Variants in SP100 observed in about 807,000 individuals in gnomAD.
The protein encoded by SP100 is SP100 nuclear body protein, also known as nuclear autoantigen Sp-100.
In SP100, 84 loss-of-function variants were observed where a neutral mutation model predicts 130.0. The observed-to-expected ratio is 0.65, with a 90% confidence interval of 0.54 to 0.77. SP100 has a LOEUF of 0.77. Among genes scored for constraint, SP100 ranks in the 30% least tolerant of loss-of-function variants. SP100 has a pLI of 0.00. For synonymous variants in SP100, 331 were observed against 351.7 expected (o/e 0.94, Z 0.66); for missense variants, 978 against 1,052.2 (o/e 0.93, Z 0.97).
intron 19 of SP100, among the ~76,000 whole-genome samples, chr2:230,500,636 T>C (rs1575755289): frequency 6.6e-6 from 1 of 152,236 alleles, no homozygotes; most frequent in Non-Finnish European, 1.5e-5. Context: ...CAAGTGTCTT[T>C]TGATGGAACT....
chr2:230,433,664 A>G (rs554873496), intron 2 of SP100, among the ~76,000 whole-genome samples: 46 of 152,102 alleles, frequency 3.0e-4, no homozygotes, highest in African/African-American at 8.9e-4. Flanking sequence ...TCTCTCATCA[A>G]TGTTTTGCCA....
chr2:230,541,395 T>C, intron 27 of SP100, 23 bp downstream of exon 27: 1 of 1,589,258 alleles, frequency 6.3e-7, no homozygotes, highest in South Asian at 1.1e-5. Flanking sequence ...CAAACAAAAA[T>C]GCTTATACTG....
At chr2:230,432,733 G>A (rs895029948) in intron 2 of SP100, among the ~76,000 whole-genome samples, 3 of 151,958 alleles carry the variant, frequency 2.0e-5, no homozygotes, top group Non-Finnish European at 4.4e-5. Context: ...TTACATATCT[G>A]AATACAAGTA....
At chr2:230,491,211 G>T (rs1422032077) in intron 17 of SP100, among the ~76,000 whole-genome samples, 1 of 152,164 alleles carries the variant, frequency 6.6e-6, no homozygotes, top group African/African-American at 2.4e-5. Flanking sequence ...GGTGTGCTTT[G>T]GGGGCGGGGT....
chr2:230,419,757 T>C (rs1016518547), intron 2 of SP100, among the ~76,000 whole-genome samples: 3 of 152,172 alleles, frequency 2.0e-5, no homozygotes, highest in Non-Finnish European at 4.4e-5. Context: ...GAAAACATAG[T>C]ATATGCAGAG....
chr2:230,430,993 A>G (rs2063082300), intron 2 of SP100, among the ~76,000 whole-genome samples: 1 of 152,160 alleles, frequency 6.6e-6, no homozygotes, highest in African/African-American at 2.4e-5. Flanking sequence ...CAAGACAGAA[A>G]CCTAAACGTC....
intron 12 of SP100, among the ~76,000 whole-genome samples, chr2:230,466,698 G>A (rs1434229463): frequency 6.6e-6 from 1 of 152,142 alleles, no homozygotes; most frequent in Non-Finnish European, 1.5e-5. Context: ...AGGGAAGCAG[G>A]CAAGTAGAAG....
intron 2 of SP100, among the ~76,000 whole-genome samples, chr2:230,423,047 A>G (rs1372757751): frequency 6.6e-6 from 1 of 152,206 alleles, no homozygotes; most frequent in East Asian, 1.9e-4. Context: ...ATGTATTAGA[A>G]TGATTTGTTT....
rs1294504064 is a variant in SP100 at position 230,442,920 on chromosome 2, G to T, written c.108-17G>T. On this transcript the variant is annotated splice_polypyrimidine_tract_variant and intron_variant, in intron 2 of 28. Transcript: ENST00000340126. ...GAATCTTGATGACCATTTTCACATG[G>T]TGTCCTTTTTCCCTAGGATGTTCAC... 2.5e-6 allele frequency: 4 copies of T among 1,608,426 alleles called. No individual in the cohort carries two copies. Among genetic ancestry groups the T allele is most frequent in the South Asian group, 1.1e-5 (1 of 90,326 alleles).
In SP100 at chr2:230,463,129, AAG is replaced by A. The variant is rs2064753387; in HGVS notation, c.1057+617_1057+618del. ...ACAATAACCTTAAAGGGGTAAACAG[AAG>A]AGAGATTCTCGTCCTTGTTTCCTAG... On this transcript the variant is annotated intron_variant, in intron 10 of 28. Transcript: ENST00000340126. Among the ~76,000 whole-genome samples the A allele has an allele frequency of 3.9e-5, 6 of 152,336 alleles. No individual in the cohort carries two copies. In the South Asian group the frequency reaches 1.2e-3, roughly 32 times the overall value.
chr2:230,498,207 C>T (rs920555513), intron 18 of SP100, among the ~76,000 whole-genome samples: 6 of 152,020 alleles, frequency 3.9e-5, no homozygotes, highest in African/African-American at 2.4e-5. Context: ...ATGAAACTGT[C>T]GTAAATTCTT....
At chr2:230,452,300 C>A (rs1250486963) in intron 8 of SP100, among the ~76,000 whole-genome samples, 2 of 152,012 alleles carry the variant, frequency 1.3e-5, no homozygotes, top group African/African-American at 4.8e-5. Context: ...GCCTCAGCCT[C>A]CTGAGTAGCT....
At chr2:230,504,823 C>T (rs1173916495) in intron 21 of SP100, among the ~76,000 whole-genome samples, 1 of 152,182 alleles carries the variant, frequency 6.6e-6, no homozygotes, top group African/African-American at 2.4e-5. Context: ...AATTTATTTA[C>T]ATATGTCTGA....
intron 24 of SP100, among the ~76,000 whole-genome samples, chr2:230,518,726 C>A (rs1352159101): frequency 3.3e-5 from 5 of 151,830 alleles, no homozygotes; most frequent in African/African-American, 1.2e-4. Flanking sequence ...AGTTATTTTC[C>A]TGTCAACCAA....
intron 2 of SP100, among the ~76,000 whole-genome samples, chr2:230,429,630 C>CT (rs1050291618): frequency 1.4e-4 from 21 of 151,888 alleles, no homozygotes; most frequent in African/African-American, 5.1e-4. Context: ...ATCCCATAGG[C>CT]TTTTTTTAAT....
At chr2:230,450,395 A>T (rs2063917760) in intron 8 of SP100, 140 bp downstream of exon 8, 1 of 625,140 alleles carries the variant, frequency 1.6e-6, no homozygotes, top group Admixed American at 3.0e-5. Context: ...TGTATTTATC[A>T]TTACATGTTG....
At chr2:230,470,769 G>A (rs1464687248) in intron 15 of SP100, among the ~76,000 whole-genome samples, 1 of 152,176 alleles carries the variant, frequency 6.6e-6, no homozygotes, top group Non-Finnish European at 1.5e-5. Context: ...ACTGTTGTAT[G>A]TAACAGACAG....
intron 24 of SP100, among the ~76,000 whole-genome samples, chr2:230,524,072 G>A (rs1331148225): frequency 8.8e-5 from 13 of 148,036 alleles, no homozygotes; most frequent in South Asian, 2.1e-4. Flanking sequence ...GGTTGCTCAC[G>A]CCTGTAATCC....
Position 230,502,131 on chromosome 2 carries a change from C to G in SP100, c.1721-935C>G, listed in dbSNP as rs1575759906. Among the ~76,000 whole-genome samples, 8 of 152,072 alleles carry G rather than the reference C, an allele frequency of 5.3e-5. 3 individuals carry two copies. Among genetic ancestry groups the G allele is most frequent in the Admixed American group, 5.2e-4 (8 of 15,258 alleles). ...GACCTCAGCCTCAGAACTCCATCCA[C>G]CTTGGCCTCCCAAAGTGTTGGGATT... On this transcript the variant is annotated intron_variant, in intron 19 of 28. Transcript: ENST00000340126.
Sources: gnomAD v4.1 joint callset for allele counts (sites outside exome capture counted in the v4.1 genomes callset) on GRCh38, gnomAD v4.1.1 for gene constraint, MANE v1.5 for transcripts, NCBI Gene and HGNC (gene_info 2026-07-23, HGNC 2026-07-21) for gene names.